The following TMPRSS13 variants were observed in gnomAD, a reference collection of about 807,000 sequenced individuals.
TMPRSS13 encodes transmembrane protease serine 13.
Under a neutral mutation model 68.4 loss-of-function variants are expected in TMPRSS13, and 50 were observed. The observed-to-expected ratio is 0.73, with a 90% CI of 0.58 to 0.93. The LOEUF is 0.93. TMPRSS13 is among the 40% of genes least tolerant of loss of function. The probability of loss-of-function intolerance (pLI) is 0.00; values close to 1 mark genes in which losing one functional copy is unlikely to be tolerated. For synonymous variants in TMPRSS13, 267 were observed against 285.8 expected, an observed-to-expected ratio of 0.93 and a Z score of 0.66; for missense variants, 615 against 729.2, an observed-to-expected ratio of 0.84 and a Z score of 1.80.
chr11:117,922,745 G>A lies in TMPRSS13; in HGVS notation c.22-3907C>T, dbSNP rs1391788164. ...TGCACAGGGTGGAGCAGGGGAGTGTGGTCAACTCTGAGCCACATCCCTGGC... is the reference window on the plus strand; with the variant it reads ...TGCACAGGGTGGAGCAGGGGAGTGTAGTCAACTCTGAGCCACATCCCTGGC... On this transcript the variant is annotated intron_variant, in intron 1 of 12. Coordinates refer to ENST00000524993, the MANE Select transcript of TMPRSS13 (RefSeq NM_001077263.3). This position sits in a 1 kb window ranked among gnomAD's most constrained non-coding sequence, Gnocchi z 4.2. Among the ~76,000 whole-genome samples the A allele has an allele frequency of 2.0e-5, 3 of 152,224 alleles. No homozygotes were observed. The highest frequency in any genetic ancestry group is 2.0e-4 in the Admixed American group (3 of 15,284).
chr11:117,918,714 G>C lies in TMPRSS13; in HGVS notation c.146C>G (p.Thr49Arg), dbSNP rs2057609229. The C allele has an allele frequency of 1.2e-6, 2 of 1,603,872 alleles. No individual in the cohort carries two copies. Among genetic ancestry groups the C allele is most frequent in the Middle Eastern group, 1.7e-4 (1 of 6,032 alleles). ...ASPAQASPAGTPPGRASPAQA... is the reference protein window; with the variant it reads ...ASPAQASPAGRPPGRASPAQA... ...GGCTGGAGATGCCCGGCCCGGAGGT[G>C]TCCCAGCTGGAGATGCCTGGGCTGG... Residue 49 changes from threonine to arginine, a missense_variant, in exon 2 of 13, where the codon ACA (threonine) becomes AGA (arginine). Thr to Arg is a moderately conservative substitution (Grantham distance 71, BLOSUM62 -1). Transcript: ENST00000524993.
chr11:117,928,475 C>T (rs1591634872), intron 1 of TMPRSS13, among the ~76,000 whole-genome samples: 1 of 152,266 alleles, frequency 6.6e-6, no homozygotes, highest in Non-Finnish European at 1.5e-5. Flanking sequence ...TTCCCAGAGT[C>T]CCAGGCTCTA....
At chr11:117,909,673 A>G (rs2057500164) in intron 8 of TMPRSS13, 133 bp downstream of exon 8, 3 of 1,077,804 alleles carry the variant, frequency 2.8e-6, no homozygotes, top group Non-Finnish European at 4.0e-6. Flanking sequence ...AAGCTACACC[A>G]GTGCCAACTG....
At position 117,908,780 on chromosome 11, in the gene TMPRSS13, G is replaced by A. The variant is rs201380115; in HGVS notation, c.1114C>T (p.Arg372Trp). Residue 372 changes from arginine (R) to tryptophan (W), a missense_variant, in exon 9 of 13, where the codon CGG (arginine) becomes TGG (tryptophan). By Grantham distance (101) the Arg-to-Trp change is moderately radical (BLOSUM62 -3). Transcript: ENST00000524993. ...TTCCAGCCCTCCAGGACCTTCTCCC[G>A]GGTCCTGCAAGAGCCACAAAGGAGC... ...LTAAHCFFVTREKVLEGWKVY... is the reference protein window; with the variant it reads ...LTAAHCFFVTWEKVLEGWKVY... 89 of 1,601,728 alleles carry A rather than the reference G, an allele frequency of 5.6e-5. No individual in the cohort carries two copies. Among genetic ancestry groups the A allele is most frequent in the Admixed American group, 2.0e-4 (12 of 58,640 alleles).
chr11:117,914,371 C>A lies in TMPRSS13; in HGVS notation c.679+21G>T, dbSNP rs761571227. 17 of 1,612,516 alleles carry A rather than the reference C, an allele frequency of 1.1e-5. No individual in the cohort carries two copies. The African/African-American group carries it at 2.0e-4, about 19-fold the overall frequency. On this transcript the variant is annotated intron_variant, in intron 4 of 12. Coordinates refer to ENST00000524993, the MANE Select transcript of TMPRSS13 (RefSeq NM_001077263.3). The surrounding 1 kb of genome is among the most constrained non-coding windows in gnomAD (Gnocchi z 4.2). ...CATGCACATGCACACGCACGCGCTCCCCCGCACCCAGCCTCCTTACCGCAG... is the reference window on the plus strand; with the variant it reads ...CATGCACATGCACACGCACGCGCTCACCCGCACCCAGCCTCCTTACCGCAG...
chr11:117,906,811 A>G (rs901662386), intron 9 of TMPRSS13, among the ~76,000 whole-genome samples: 4 of 152,138 alleles, frequency 2.6e-5, no homozygotes, highest in African/African-American at 9.7e-5. Flanking sequence ...ACTGTTTTTT[A>G]TGGGGGAATT....
intron 12 of TMPRSS13, chr11:117,903,370 CA>C: frequency 6.5e-7 from 1 of 1,529,112 alleles, no homozygotes; most frequent in Admixed American, 2.0e-5. Context: ...CAACCTTACA[CA>C]AAAAAATACT....
chr11:117,916,722 T>C (rs1156819065), intron 3 of TMPRSS13, among the ~76,000 whole-genome samples: 2 of 152,208 alleles, frequency 1.3e-5, no homozygotes, highest in African/African-American at 4.8e-5. Flanking sequence ...AGTGTTTTCA[T>C]GTGTGTTTTT....
chr11:117,923,623 G>T (rs1228460031), intron 1 of TMPRSS13, among the ~76,000 whole-genome samples: 1 of 152,010 alleles, frequency 6.6e-6, no homozygotes. Context: ...AAGCTCTCCC[G>T]CAATTGAACA....
rs566906479 is a variant in TMPRSS13, at chr11:117,913,547, T to C, written c.809+230A>G. ...AGAACCATCTAGGAGTCTGATACTA[T>C]TGCAGATCTATACATCATTATGTTG... On this transcript the variant is annotated intron_variant, in intron 5 of 12. Coordinates refer to ENST00000524993, the MANE Select transcript of TMPRSS13 (RefSeq NM_001077263.3). 2.0e-5 allele frequency among the ~76,000 whole-genome samples: 3 copies of C among 152,296 alleles called. No individual in the cohort carries two copies. The East Asian group carries it at 5.8e-4, about 29-fold the overall frequency.
chr11:117,901,828 C>A lies in TMPRSS13; in HGVS notation c.*411G>T. 1 of 208,254 alleles carries A rather than the reference C, an allele frequency of 4.8e-6. No individual in the cohort carries two copies. Among genetic ancestry groups the A allele is most frequent in the Non-Finnish European group, 1.0e-5 (1 of 100,156 alleles). 12.9% of individuals were successfully genotyped at this position (208,254 alleles called of 1,614,324 possible). A position where few individuals can be genotyped will look rare whatever the true frequency, so the allele number is the denominator to read the frequency against. ...ATCCATCCCAGGACAGCAATGGCGC[C>A]ACCTGGGCCGCTGGCATCTGCCCAC... On this transcript the variant is annotated 3_prime_UTR_variant, in exon 13 of 13. Coordinates refer to ENST00000524993, the MANE Select transcript of TMPRSS13 (RefSeq NM_001077263.3).
At chr11:117,927,349 T>G (rs962941807) in intron 1 of TMPRSS13, among the ~76,000 whole-genome samples, 1 of 152,254 alleles carries the variant, frequency 6.6e-6, no homozygotes, top group Non-Finnish European at 1.5e-5. Flanking sequence ...GAGAGTAGTA[T>G]TATTATTCCA....
At chr11:117,920,042 G>C (rs1220827566) in intron 1 of TMPRSS13, among the ~76,000 whole-genome samples, 1 of 152,188 alleles carries the variant, frequency 6.6e-6, no homozygotes, top group East Asian at 1.9e-4. Flanking sequence ...GTGACCCATA[G>C]TGGGGCCCTG....
At chr11:117,908,270 A>G in intron 9 of TMPRSS13, 1 of 529,876 alleles carries the variant, frequency 1.9e-6, no homozygotes, top group Non-Finnish European at 3.3e-6. Context: ...ATGAAATCAT[A>G]TGTGTGAAAT....
chr11:117,913,115 C>A (rs948070193), intron 5 of TMPRSS13, among the ~76,000 whole-genome samples: 3 of 152,120 alleles, frequency 2.0e-5, no homozygotes, highest in Admixed American at 6.5e-5. Context: ...CCCACAACCT[C>A]ACACACACTG....
chr11:117,917,849 G>A (rs2057594321), intron 2 of TMPRSS13, among the ~76,000 whole-genome samples: 1 of 152,188 alleles, frequency 6.6e-6, no homozygotes. Flanking sequence ...CAGCATCGGA[G>A]TGGGCAGGAA....
At chr11:117,903,241 G>T in intron 12 of TMPRSS13, 1 of 1,322,900 alleles carries the variant, frequency 7.6e-7, no homozygotes, top group Non-Finnish European at 9.9e-7. Context: ...AAATCAAAAA[G>T]ACTAAAACAA....
At chr11:117,928,653 C>A (rs928569395) in intron 1 of TMPRSS13, among the ~76,000 whole-genome samples, 8 of 152,170 alleles carry the variant, frequency 5.3e-5, no homozygotes, top group African/African-American at 1.9e-4. Flanking sequence ...AGAGGACAGG[C>A]CAGCTGCTTT....
chr11:117,924,238 G>T (rs187130463), intron 1 of TMPRSS13, among the ~76,000 whole-genome samples: 1,045 of 56,814 alleles, frequency 0.018, 10 homozygotes, highest in Non-Finnish European at 0.031. Context: ...TTGTTGAGGC[G>T]ATGAAGGCCC....
Sources: allele counts gnomAD v4.1 joint callset (sites outside exome capture counted in the v4.1 genomes callset), GRCh38; gene constraint gnomAD v4.1.1; non-coding constraint Gnocchi (gnomAD v3.1); transcripts MANE v1.5; gene names NCBI Gene and HGNC (gene_info 2026-07-23, HGNC 2026-07-21).